The following SHANK2 variants were observed in gnomAD, a reference collection of about 807,000 sequenced individuals.
SHANK2 encodes SH3 and multiple ankyrin repeat domains 2, also known as SH3 and multiple ankyrin repeat domains protein 2.
Under a neutral mutation model 133.7 loss-of-function variants are expected in SHANK2, and 43 were observed. The observed-to-expected ratio is 0.32, with a 90% CI of 0.25 to 0.41. The LOEUF is 0.41. Among genes scored for constraint, SHANK2 ranks in the 10% least tolerant of loss-of-function variants. SHANK2 has a pLI of 1.00. For synonymous variants in SHANK2, 1,017 were observed against 952.8 expected, an observed-to-expected ratio of 1.07 and a Z score of -1.24; for missense variants, 1,994 against 2,235.8, an observed-to-expected ratio of 0.89 and a Z score of 2.18.
intron 6 of SHANK2, among the ~76,000 whole-genome samples, chr11:71,105,869 C>T (rs1951795657): frequency 1.3e-5 from 2 of 152,126 alleles, no homozygotes; most frequent in South Asian, 4.1e-4. Context: ...CAAGCATAAA[C>T]CCTCATGTAA....
chr11:70,543,949 C>G (rs1483202866), intron 17 of SHANK2, among the ~76,000 whole-genome samples: 2 of 152,216 alleles, frequency 1.3e-5, no homozygotes, highest in Non-Finnish European at 2.9e-5. Flanking sequence ...CCCCACTCAT[C>G]TGGCCACTGA....
At chr11:70,552,167 G>C (rs1591570491) in intron 17 of SHANK2, among the ~76,000 whole-genome samples, 1 of 152,212 alleles carries the variant, frequency 6.6e-6, no homozygotes, top group Non-Finnish European at 1.5e-5. Context: ...AGAATAATAT[G>C]AGTAGGTGAG....
chr11:70,776,322 G>A (rs1390699126), intron 14 of SHANK2, among the ~76,000 whole-genome samples: 2 of 152,208 alleles, frequency 1.3e-5, no homozygotes, highest in Non-Finnish European at 2.9e-5. Context: ...CTCCACAGGG[G>A]TAGGGCTGAG....
intron 2 of SHANK2, among the ~76,000 whole-genome samples, chr11:71,195,147 C>T (rs1953875418): frequency 2.6e-5 from 4 of 152,262 alleles, no homozygotes; most frequent in Admixed American, 2.0e-4. Flanking sequence ...AATCCCAGCA[C>T]TTTGGGAGGC....
intron 15 of SHANK2, 73 bp from the exon 16 acceptor site, chr11:70,661,751 G>C: frequency 2.5e-6 from 4 of 1,614,072 alleles, no homozygotes; most frequent in Non-Finnish European, 3.4e-6. Context: ...TCCTCCGCCG[G>C]GGACGTTCAT....
intron 17 of SHANK2, among the ~76,000 whole-genome samples, chr11:70,572,539 A>G (rs1242927638): frequency 6.6e-6 from 1 of 152,170 alleles, no homozygotes; most frequent in Non-Finnish European, 1.5e-5. Context: ...AGGGAAGGGA[A>G]GGAAACTAAG....
At chr11:70,584,782 C>T (rs11236737) in intron 17 of SHANK2, among the ~76,000 whole-genome samples, 19,573 of 152,194 alleles carry the variant, frequency 0.13, 1,375 homozygotes, top group Middle Eastern at 0.16. Flanking sequence ...CCCCCTGATC[C>T]GTTGGTCTCG....
chr11:71,197,317 A>G (rs1555116355), intron 2 of SHANK2, among the ~76,000 whole-genome samples: 1 of 152,190 alleles, frequency 6.6e-6, no homozygotes, highest in Non-Finnish European at 1.5e-5. Flanking sequence ...GCAGGTTCCA[A>G]GATGCTACCA....
At chr11:71,218,331 C>T (rs1194652043) in intron 2 of SHANK2, among the ~76,000 whole-genome samples, 1 of 136,440 alleles carries the variant, frequency 7.3e-6, no homozygotes, top group Non-Finnish European at 1.5e-5. Flanking sequence ...ATGGTGCAAC[C>T]TTGCCTCACC....
chr11:71,085,820 T>C, intron 8 of SHANK2, among the ~76,000 whole-genome samples: 1 of 28 alleles, frequency 0.036, no homozygotes, highest in Non-Finnish European at 0.25. Flanking sequence ...TTATGTTATA[T>C]TATATAATAA....
At chr11:71,233,762 T>A (rs1285625394) in intron 1 of SHANK2, among the ~76,000 whole-genome samples, 1 of 152,226 alleles carries the variant, frequency 6.6e-6, no homozygotes, top group African/African-American at 2.4e-5. Flanking sequence ...AATGTTGGCC[T>A]GCAGGCCAGA....
chr11:70,791,252 C>T (rs1166313640), intron 14 of SHANK2, among the ~76,000 whole-genome samples: 2 of 152,188 alleles, frequency 1.3e-5, no homozygotes, highest in Non-Finnish European at 2.9e-5. Context: ...AACTGACATG[C>T]ACTCTGTCCT....
intron 17 of SHANK2, among the ~76,000 whole-genome samples, chr11:70,606,799 C>T (rs1314584615): frequency 1.3e-5 from 2 of 152,192 alleles, no homozygotes; most frequent in Non-Finnish European, 2.9e-5. Context: ...ATTCCTGTTA[C>T]TGGGTCAAAC....
intron 11 of SHANK2, among the ~76,000 whole-genome samples, chr11:70,846,865 C>G (rs1949004653): frequency 6.6e-6 from 1 of 152,132 alleles, no homozygotes; most frequent in Non-Finnish European, 1.5e-5. Context: ...ACGAGGTCAT[C>G]CAATGGAGAG....
At chr11:70,499,272 G>A (rs1274083482) in intron 21 of SHANK2, among the ~76,000 whole-genome samples, 1 of 152,244 alleles carries the variant, frequency 6.6e-6, no homozygotes, top group Non-Finnish European at 1.5e-5. Flanking sequence ...GGTCCCTTTG[G>A]GGTCTTCCTG....
chr11:70,562,868 T>C (rs577646733), intron 17 of SHANK2, among the ~76,000 whole-genome samples: 7 of 152,284 alleles, frequency 4.6e-5, no homozygotes, highest in African/African-American at 1.7e-4. Flanking sequence ...TTTGGGTTGA[T>C]AATTTGTTTG....
chr11:70,904,816 C>T (rs1185144235), intron 10 of SHANK2, among the ~76,000 whole-genome samples: 4 of 151,996 alleles, frequency 2.6e-5, no homozygotes, highest in East Asian at 1.9e-4. Flanking sequence ...TCAATCCGAT[C>T]GTTTTAAAAA....
chr11:70,792,546 C>T (rs565240417), intron 14 of SHANK2, among the ~76,000 whole-genome samples: 16 of 152,360 alleles, frequency 1.1e-4, no homozygotes, highest in Admixed American at 9.8e-4. Context: ...CACTTCTTTA[C>T]TGAGTTATTC....
intron 9 of SHANK2, among the ~76,000 whole-genome samples, chr11:71,071,251 A>G (rs956475848): frequency 5.4e-4 from 82 of 152,328 alleles, no homozygotes; most frequent in Non-Finnish European, 1.0e-3. Flanking sequence ...TGAGTAATGT[A>G]TCTCCACACT....
Sources: gnomAD v4.1 joint callset for allele counts (sites outside exome capture counted in the v4.1 genomes callset) on GRCh38, gnomAD v4.1.1 for gene constraint, MANE v1.5 for transcripts, NCBI Gene and HGNC (gene_info 2026-07-23, HGNC 2026-07-21) for gene names.